The following RGS7 variants were observed in gnomAD, a reference collection of about 807,000 sequenced individuals.
RGS7 encodes the protein regulator of G-protein signaling 7.
RGS7 carries 27 observed loss-of-function variants against 81.1 expected under a neutral mutation model. That is an observed-to-expected ratio of 0.33 (90% CI 0.25 to 0.46). The LOEUF is 0.46. Ranked by LOEUF, RGS7 falls within the 20% of genes least tolerant of loss-of-function variation. The probability of loss-of-function intolerance (pLI) is 1.00; values close to 1 mark genes in which losing one functional copy is unlikely to be tolerated. For missense variants in RGS7, 396 were observed against 607.4 expected, an observed-to-expected ratio of 0.65 and a Z score of 3.66; for synonymous variants, 208 against 207.7, an observed-to-expected ratio of 1.00 and a Z score of -0.01.
chr1:241,271,983 C>CTT lies in RGS7; in HGVS notation c.78+83714_78+83715dup, dbSNP rs201307171. 8.1e-6 allele frequency among the ~76,000 whole-genome samples: 1 copy of CTT among 124,134 alleles called. No homozygotes were observed. The highest frequency in any genetic ancestry group is 3.1e-5 in the African/African-American group (1 of 32,696). The allele number at this position is 124,134 out of a possible 152,430, so 81.4% of individuals were successfully genotyped here. ...TGGAGAACCCTGACTACTAGAATTT[C>CTT]TTTTTTTTTTTTTTTATTTTTATTT... On this transcript the variant is annotated intron_variant, in intron 2 of 18. Transcript: ENST00000440928. This position sits in a 1 kb window ranked among gnomAD's most constrained non-coding sequence, Gnocchi z 4.6.
intron 6 of RGS7, among the ~76,000 whole-genome samples, chr1:240,881,765 T>G (rs757961256): frequency 1.7e-4 from 26 of 152,168 alleles, no homozygotes; most frequent in Non-Finnish European, 2.6e-4. Flanking sequence ...TTGTTTTTAA[T>G]TATTTAATTT....
intron 2 of RGS7, among the ~76,000 whole-genome samples, chr1:241,100,456 C>T (rs1351336080): frequency 1.3e-5 from 2 of 151,084 alleles, no homozygotes; most frequent in African/African-American, 4.9e-5. Flanking sequence ...TTCTTGGTAT[C>T]AACGGATGTA....
chr1:240,986,349 A>G (rs546227508), intron 3 of RGS7, among the ~76,000 whole-genome samples: 170 of 152,286 alleles, frequency 1.1e-3, no homozygotes, highest in African/African-American at 3.9e-3. Flanking sequence ...ATGCTCTTCT[A>G]TCTTCATCTC....
chr1:240,854,889 A>G (rs1558358213), intron 9 of RGS7, among the ~76,000 whole-genome samples: 2 of 152,178 alleles, frequency 1.3e-5, no homozygotes, highest in Non-Finnish European at 2.9e-5. Context: ...CTAAGTATGC[A>G]GTGCTTGGGA....
chr1:240,829,697 T>G (rs1572298327), intron 9 of RGS7, among the ~76,000 whole-genome samples: 1 of 152,098 alleles, frequency 6.6e-6, no homozygotes, highest in Admixed American at 6.6e-5. Flanking sequence ...TTGGAGAGGC[T>G]GAGGTGGGAG....
chr1:241,115,457 C>T (rs967466251), intron 2 of RGS7, among the ~76,000 whole-genome samples: 7 of 152,176 alleles, frequency 4.6e-5, no homozygotes, highest in Non-Finnish European at 1.5e-5. Context: ...TATCCTTCTA[C>T]TAAATATCAG....
At chr1:240,990,401 CTATGAACTTATTATAGTCCCG>C (rs1175720795) in intron 3 of RGS7, among the ~76,000 whole-genome samples, 10 of 152,088 alleles carry the variant, frequency 6.6e-5, no homozygotes, top group African/African-American at 2.4e-4. Context: ...GTGTTTTGTT[CTATGAACTTATTATAGTCCCG>C]TAAAGCAGAG....
At chr1:241,259,667 A>AAAAATAT in intron 2 of RGS7, among the ~76,000 whole-genome samples, 4 of 49,140 alleles carry the variant, frequency 8.1e-5, no homozygotes, top group Admixed American at 3.8e-4. Flanking sequence ...AAAAAAAAAA[A>AAAAATAT]ATATATATAT....
chr1:241,344,107 G>A (rs937295993), intron 2 of RGS7, among the ~76,000 whole-genome samples: 2 of 152,096 alleles, frequency 1.3e-5, no homozygotes, highest in Non-Finnish European at 2.9e-5. Flanking sequence ...ATCAACTGGG[G>A]CATAGAGGAA....
At chr1:240,836,127 G>T (rs1226409878) in intron 9 of RGS7, among the ~76,000 whole-genome samples, 4 of 139,952 alleles carry the variant, frequency 2.9e-5, no homozygotes, top group Non-Finnish European at 6.1e-5. Flanking sequence ...TACAACAAAT[G>T]TACCGCTCTG....
chr1:240,832,588 C>T (rs967083569), intron 9 of RGS7, among the ~76,000 whole-genome samples: 8 of 152,160 alleles, frequency 5.3e-5, no homozygotes, highest in Non-Finnish European at 8.8e-5. Flanking sequence ...CATTTAGTTC[C>T]TTTCATGCGA....
intron 3 of RGS7, among the ~76,000 whole-genome samples, chr1:241,032,380 T>A (rs925722010): frequency 5.3e-5 from 8 of 152,164 alleles, no homozygotes; most frequent in African/African-American, 1.7e-4. Context: ...TATTGTATCC[T>A]TGCAGTATAA....
intron 9 of RGS7, among the ~76,000 whole-genome samples, chr1:240,842,044 G>C (rs1462987453): frequency 6.6e-6 from 1 of 151,930 alleles, no homozygotes; most frequent in African/African-American, 2.4e-5. Context: ...GCACGTAAAA[G>C]GGGTCAGCAC....
At chr1:240,882,499 G>A (rs1284878748) in intron 6 of RGS7, among the ~76,000 whole-genome samples, 1 of 152,122 alleles carries the variant, frequency 6.6e-6, no homozygotes, top group East Asian at 1.9e-4. Context: ...TGGTAATGAT[G>A]AAACCCAGAG....
chr1:240,887,237 T>G (rs796301900), intron 6 of RGS7, among the ~76,000 whole-genome samples: 55,177 of 147,826 alleles, frequency 0.37, 10,751 homozygotes, highest in East Asian at 0.5. Context: ...TTTTTTTTTT[T>G]TTTTTTTTTG....
At chr1:240,871,328 A>G (rs1355831309) in intron 6 of RGS7, among the ~76,000 whole-genome samples, 1 of 152,066 alleles carries the variant, frequency 6.6e-6, no homozygotes, top group African/African-American at 2.4e-5. Context: ...TACACTTACC[A>G]CCCCAAGTTT....
intron 3 of RGS7, among the ~76,000 whole-genome samples, chr1:241,061,872 CTG>C (rs1184423893): frequency 6.6e-6 from 1 of 152,174 alleles, no homozygotes. Context: ...AACCTTGACT[CTG>C]TGAAATTCTG....
At chr1:241,221,506 T>C (rs2075010599) in intron 2 of RGS7, among the ~76,000 whole-genome samples, 1 of 152,228 alleles carries the variant, frequency 6.6e-6, no homozygotes, top group Admixed American at 6.5e-5. Flanking sequence ...AGCTGGTCAA[T>C]GAAGCCTACC....
chr1:240,910,885 AT>A, intron 6 of RGS7, among the ~76,000 whole-genome samples: 1 of 151,742 alleles, frequency 6.6e-6, no homozygotes, highest in South Asian at 2.1e-4. Context: ...CGCCCAACTA[AT>A]TTTTTTTATT....
Sources: gnomAD v4.1 joint callset for allele counts (sites outside exome capture counted in the v4.1 genomes callset) on GRCh38, gnomAD v4.1.1 for gene constraint, Gnocchi (gnomAD v3.1) non-coding constraint, MANE v1.5 for transcripts, NCBI Gene and HGNC (gene_info 2026-07-23, HGNC 2026-07-21) for gene names.